The following CCSER1 variants were observed in gnomAD, a reference collection of about 807,000 sequenced individuals.
CCSER1 encodes serine-rich coiled-coil domain-containing protein 1.
Under a neutral mutation model 82.0 loss-of-function variants are expected in CCSER1, and 41 were observed. That is an observed-to-expected ratio of 0.50 (90% CI 0.39 to 0.65). The LOEUF (loss-of-function observed/expected upper bound fraction) is 0.65. CCSER1 is among the 30% of genes least tolerant of loss of function. The pLI is 0.00. For missense variants in CCSER1, 1,119 were observed against 1,064.2 expected, an observed-to-expected ratio of 1.05 and a Z score of -0.72; for synonymous variants, 414 against 383.9, an observed-to-expected ratio of 1.08 and a Z score of -0.92.
chr4:90,952,939 T>A (rs1733065007), intron 9 of CCSER1, among the ~76,000 whole-genome samples: 1 of 152,102 alleles, frequency 6.6e-6, no homozygotes, highest in African/African-American at 2.4e-5. Flanking sequence ...TTCCAAGTTC[T>A]AAATTTAAAG....
chr4:90,498,447 A>T (rs774956005), intron 5 of CCSER1, among the ~76,000 whole-genome samples: 9 of 152,192 alleles, frequency 5.9e-5, no homozygotes, highest in Non-Finnish European at 1.2e-4. Context: ...ATAAGCTGAA[A>T]CACTGACATT....
chr4:90,236,471 C>A (rs183214374), intron 1 of CCSER1, among the ~76,000 whole-genome samples: 1 of 152,196 alleles, frequency 6.6e-6, no homozygotes, highest in East Asian at 1.9e-4. Flanking sequence ...TATTCTGCAT[C>A]AAGGACTATT....
At chr4:90,445,121 G>C in intron 4 of CCSER1, among the ~76,000 whole-genome samples, 1 of 151,920 alleles carries the variant, frequency 6.6e-6, no homozygotes, top group East Asian at 1.9e-4. Context: ...TGCCTTGAAG[G>C]AGCAAGCCTG....
chr4:91,511,422 C>A (rs925871177), intron 10 of CCSER1, among the ~76,000 whole-genome samples: 4 of 152,096 alleles, frequency 2.6e-5, no homozygotes, highest in African/African-American at 7.2e-5. Flanking sequence ...GTAGTATGGC[C>A]ATTTTAATGA....
intron 1 of CCSER1, among the ~76,000 whole-genome samples, chr4:90,171,828 A>C (rs1209435636): frequency 1.3e-5 from 2 of 151,908 alleles, no homozygotes; most frequent in African/African-American, 4.8e-5. Flanking sequence ...ATTTCTGTTG[A>C]GTACTACTCT....
At chr4:91,447,152 C>A (rs1000985804) in intron 10 of CCSER1, among the ~76,000 whole-genome samples, 4 of 152,004 alleles carry the variant, frequency 2.6e-5, no homozygotes, top group African/African-American at 9.7e-5. Context: ...TCTTGAGGCT[C>A]CAAAGAGAGA....
intron 10 of CCSER1, among the ~76,000 whole-genome samples, chr4:91,350,653 G>T (rs1243383789): frequency 6.6e-6 from 1 of 151,980 alleles, no homozygotes; most frequent in African/African-American, 2.4e-5. Context: ...TTAAAAATTT[G>T]ACTGCAGAAC....
At chr4:91,279,857 T>C (rs952290157) in intron 10 of CCSER1, among the ~76,000 whole-genome samples, 7 of 152,194 alleles carry the variant, frequency 4.6e-5, no homozygotes, top group Admixed American at 2.6e-4. Context: ...GCACACCTGG[T>C]GTACTAGTCA....
At chr4:90,923,303 G>T (rs1728644634) in intron 8 of CCSER1, 67 bp from the exon 9 acceptor site, 1 of 1,068,444 alleles carries the variant, frequency 9.4e-7, no homozygotes, top group Admixed American at 2.0e-5. Context: ...TTTAATAAGT[G>T]GAGAATATTA....
At chr4:90,580,685 T>A (rs1210958234) in intron 5 of CCSER1, among the ~76,000 whole-genome samples, 3 of 152,198 alleles carry the variant, frequency 2.0e-5, no homozygotes, top group Non-Finnish European at 4.4e-5. Flanking sequence ...TGAGCAACTT[T>A]GGTCTGTTGA....
At position 90,260,501 on chromosome 4, in the gene CCSER1, T is replaced by C. The variant is rs147277342; in HGVS notation, c.-41-47743T>C. Among the ~76,000 whole-genome samples, 4 of 151,980 alleles carry C rather than the reference T, an allele frequency of 2.6e-5. No homozygotes were observed. The East Asian group carries it at 7.7e-4, about 29-fold the overall frequency. On this transcript the variant is annotated intron_variant, in intron 1 of 10. Coordinates refer to ENST00000509176, the MANE Select transcript of CCSER1 (RefSeq NM_001145065.2). ...TGTTGGACTGCTACTTTTATGATGA[T>C]ATAATATTGTTCTTTGTCTTTTTTT...
At chr4:90,521,374 G>A (rs1013024845) in intron 5 of CCSER1, among the ~76,000 whole-genome samples, 3 of 152,136 alleles carry the variant, frequency 2.0e-5, no homozygotes, top group African/African-American at 7.2e-5. Context: ...TAAGCATTGA[G>A]ATTTAAGAAT....
At chr4:91,157,893 A>C (rs556511262) in intron 10 of CCSER1, among the ~76,000 whole-genome samples, 1 of 152,050 alleles carries the variant, frequency 6.6e-6, no homozygotes, top group Non-Finnish European at 1.5e-5. Flanking sequence ...GAGATCTCCT[A>C]AAGTTGTTAA....
chr4:90,588,251 A>G (rs975379222), intron 5 of CCSER1, among the ~76,000 whole-genome samples: 10 of 152,188 alleles, frequency 6.6e-5, no homozygotes, highest in Admixed American at 2.0e-4. Context: ...ATTTGATAGC[A>G]TTTAACCGAC....
intron 10 of CCSER1, among the ~76,000 whole-genome samples, chr4:91,164,941 CAA>C (rs1358804081): frequency 6.6e-6 from 1 of 152,234 alleles, no homozygotes; most frequent in African/African-American, 2.4e-5. Context: ...GTCAGCTCGT[CAA>C]AGTCATTCTC....
At chr4:90,979,373 G>T (rs1415691738) in intron 9 of CCSER1, among the ~76,000 whole-genome samples, 2 of 151,452 alleles carry the variant, frequency 1.3e-5, no homozygotes, top group Middle Eastern at 3.4e-3. Context: ...TAAGAGATAA[G>T]TTCCTATACT....
Position 90,129,872 on chromosome 4 carries a change from G to A in CCSER1, c.-42+2041G>A, listed in dbSNP as rs763276040. 5.9e-5 allele frequency among the ~76,000 whole-genome samples: 9 copies of A among 152,264 alleles called. No homozygotes were observed. In the East Asian group the frequency reaches 9.7e-4, roughly 16 times the overall value. On this transcript the variant is annotated intron_variant, in intron 1 of 10. Transcript: ENST00000509176. ...AGAACTCAGATGGAGAACCCCATTC[G>A]GAGGGTTATTACCTCAACTATCCCA...
intron 5 of CCSER1, among the ~76,000 whole-genome samples, chr4:90,469,138 G>A (rs115051394): frequency 0.015 from 2,268 of 152,024 alleles, 53 homozygotes; most frequent in African/African-American, 0.052. Flanking sequence ...GGAGTAAGGC[G>A]GAAGATATAT....
chr4:90,133,354 C>T (rs954479383), intron 1 of CCSER1, among the ~76,000 whole-genome samples: 37 of 152,106 alleles, frequency 2.4e-4, no homozygotes, highest in African/African-American at 4.1e-4. Context: ...TGACTGTAGG[C>T]TGGACCTTAT....
Sources: allele counts gnomAD v4.1 joint callset (sites outside exome capture counted in the v4.1 genomes callset), GRCh38; gene constraint gnomAD v4.1.1; transcripts MANE v1.5; gene names NCBI Gene and HGNC (gene_info 2026-07-23, HGNC 2026-07-21).